CPOX: variants seen among roughly 807,000 people sequenced by gnomAD.
CPOX encodes the protein oxygen-dependent coproporphyrinogen-III oxidase, mitochondrial.
CPOX carries 24 observed loss-of-function variants against 48.9 expected under a neutral mutation model. That is an observed-to-expected ratio of 0.49 (90% CI 0.36 to 0.69). CPOX has a LOEUF of 0.69. CPOX is among the 30% of genes least tolerant of loss of function. CPOX has a pLI of 0.00. For missense variants in CPOX, 549 were observed against 597.3 expected (o/e 0.92, Z 0.84); for synonymous variants, 249 against 234.6 (o/e 1.06, Z -0.56).
At chr3:98,590,558 T>A (rs768382073) in intron 3 of CPOX, 74 bp downstream of exon 3, 5 of 1,034,654 alleles carry the variant, frequency 4.8e-6, no homozygotes, top group Non-Finnish European at 6.1e-6. Flanking sequence ...CGCTTTTAGA[T>A]GTTATGCCCT....
chr3:98,588,875 A>C, intron 3 of CPOX, 21 bp from the exon 4 acceptor site: 1 of 1,614,066 alleles, frequency 6.2e-7, no homozygotes, highest in Non-Finnish European at 8.5e-7. Context: ...AAGACATGGG[A>C]TTCTAATGTG....
chr3:98,578,132 G>A (rs540548249), downstream of CPOX: 3 of 408,286 alleles, frequency 7.3e-6, no homozygotes, highest in East Asian at 3.2e-4. Flanking sequence ...TGGTCTTCAG[G>A]TAGACTGAAT....
intron 5 of CPOX, among the ~76,000 whole-genome samples, chr3:98,582,208 G>A (rs1707271104): frequency 6.6e-6 from 1 of 151,894 alleles, no homozygotes; most frequent in Non-Finnish European, 1.5e-5. Context: ...GTCAGATCTG[G>A]ACTCCTTCCA....
chr3:98,580,022 C>T lies in CPOX; in HGVS notation c.*661G>A. ...GGTTCCACAAAAATCAAAATTACAA[C>T]TTAGACATCTCTAAAATAATAGTAA... On this transcript the variant is annotated 3_prime_UTR_variant, in exon 7 of 7. Transcript: ENST00000647941. 3 of 984,038 alleles carry T rather than the reference C, an allele frequency of 3.0e-6. No individual in the cohort carries two copies. Among genetic ancestry groups the T allele is most frequent in the Non-Finnish European group, 3.6e-6 (3 of 828,300 alleles). 61.0% of individuals were successfully genotyped at this position (984,038 alleles called of 1,614,324 possible). A position where few individuals can be genotyped will look rare whatever the true frequency, so the allele number is the denominator to read the frequency against.
At chr3:98,583,475 G>C (rs945226040) in intron 5 of CPOX, among the ~76,000 whole-genome samples, 3 of 152,118 alleles carry the variant, frequency 2.0e-5, no homozygotes, top group Non-Finnish European at 4.4e-5. Flanking sequence ...TCTCTGGGGT[G>C]CCTATAAGTT....
At chr3:98,592,288 T>C (rs764919594) in intron 1 of CPOX, among the ~76,000 whole-genome samples, 2 of 152,124 alleles carry the variant, frequency 1.3e-5, no homozygotes, top group Non-Finnish European at 2.9e-5. Context: ...ACTCAAGATG[T>C]GGGGTTTCAC....
intron 5 of CPOX, among the ~76,000 whole-genome samples, chr3:98,581,776 T>TA (rs1707264097): frequency 6.6e-6 from 1 of 152,170 alleles, no homozygotes. Context: ...TTCCCATAAG[T>TA]AAACAGAATT....
chr3:98,580,803 C>A, intron 6 of CPOX, 33 bp from the exon 7 acceptor site: 1 of 1,606,562 alleles, frequency 6.2e-7, no homozygotes, highest in South Asian at 1.1e-5. Context: ...CAAAAAACGT[C>A]ATAAAAAATG....
In CPOX at chr3:98,592,995, T is replaced by C. The variant is rs200869871; in HGVS notation, c.510A>G (p.Val170=). The part of the protein sequence containing the change: ...QAQVCQALAQ[V]DGGANFSVDR... ...CCACAGAAAAGTTGGCGCCCCCGTCTACCTGTGCCAGAGCCTGGCACACCT... is the reference window on the plus strand; with the variant it reads ...CCACAGAAAAGTTGGCGCCCCCGTCCACCTGTGCCAGAGCCTGGCACACCT... The change falls in exon 1 of 7, where the codon GTA becomes GTG. Residue 170 remains valine (V), a synonymous_variant. Transcript: ENST00000647941. 232 of 1,613,744 alleles carry C rather than the reference T, an allele frequency of 1.4e-4. No individual in the cohort carries two copies. Among genetic ancestry groups the C allele is most frequent in the Non-Finnish European group, 1.4e-4 (163 of 1,179,944 alleles).
chr3:98,587,875 G>C (rs1454099549), intron 4 of CPOX, among the ~76,000 whole-genome samples: 1 of 152,128 alleles, frequency 6.6e-6, no homozygotes, highest in Non-Finnish European at 1.5e-5. Flanking sequence ...TACTCTATTA[G>C]TCCTCCTGGA....
chr3:98,577,605 A>ACT (rs1707181736), downstream of CPOX, among the ~76,000 whole-genome samples: 1 of 152,128 alleles, frequency 6.6e-6, no homozygotes, highest in Non-Finnish European at 1.5e-5. Flanking sequence ...ATTCCCTACC[A>ACT]CTCGAATCTG....
downstream of CPOX, chr3:98,578,109 T>C: frequency 4.4e-6 from 1 of 226,336 alleles, no homozygotes; most frequent in Non-Finnish European, 7.4e-6. Flanking sequence ...TCAGGCCATC[T>C]GGAGGTGCAC....
chr3:98,576,936 T>A (rs1707171342), downstream of CPOX, among the ~76,000 whole-genome samples: 2 of 152,150 alleles, frequency 1.3e-5, no homozygotes, highest in Admixed American at 1.3e-4. Context: ...TTCAATATTT[T>A]GTAATAAGTG....
chr3:98,584,583 C>T (rs987418289), intron 5 of CPOX, among the ~76,000 whole-genome samples: 4 of 152,174 alleles, frequency 2.6e-5, no homozygotes, highest in African/African-American at 7.2e-5. Flanking sequence ...GTACCCAAAG[C>T]TTCTTTTGCC....
chr3:98,586,884 C>A (rs938674356), intron 4 of CPOX, among the ~76,000 whole-genome samples: 3 of 152,152 alleles, frequency 2.0e-5, no homozygotes, highest in Non-Finnish European at 2.9e-5. Flanking sequence ...GCAGAGCTTG[C>A]AGTGAGCCGA....
chr3:98,585,385 G>A, intron 5 of CPOX, 56 bp downstream of exon 5: 3 of 1,370,858 alleles, frequency 2.2e-6, no homozygotes, highest in South Asian at 1.2e-5. Context: ...CTATTATTAA[G>A]AGCTGCTCCA....
At position 98,579,951 on chromosome 3, in the gene CPOX, G is replaced by A; in HGVS notation, c.*732C>T. 1 of 985,770 alleles carries A rather than the reference G, an allele frequency of 1.0e-6. No individual in the cohort carries two copies. The highest frequency in any genetic ancestry group is 1.2e-6 in the Non-Finnish European group (1 of 829,856). The allele number at this position is 985,770 out of a possible 1,614,324, so 61.1% of individuals were successfully genotyped here. A position where few individuals can be genotyped will look rare whatever the true frequency, so the allele number is the denominator to read the frequency against. On this transcript the variant is annotated 3_prime_UTR_variant, in exon 7 of 7. Transcript: ENST00000647941. ...TAAGTATCAGAATTCAGGGATATAAGCTTTCACATTCAAAAGTGCAGAGAA... is the reference window on the plus strand; with the variant it reads ...TAAGTATCAGAATTCAGGGATATAAACTTTCACATTCAAAAGTGCAGAGAA...
chr3:98,590,884 T>A (rs930544256), intron 2 of CPOX, 128 bp downstream of exon 2: 1 of 1,263,336 alleles, frequency 7.9e-7, no homozygotes, highest in Non-Finnish European at 1.1e-6. Context: ...TAAAAAAGTA[T>A]TTGTCAACGT....
chr3:98,578,336 T>C (rs530219052), downstream of CPOX: 13 of 462,904 alleles, frequency 2.8e-5, no homozygotes, highest in South Asian at 8.4e-4. Context: ...CACAACTAAA[T>C]AGGCTAGCAT....
Sources: allele counts gnomAD v4.1 joint callset (sites outside exome capture counted in the v4.1 genomes callset), GRCh38; gene constraint gnomAD v4.1.1; transcripts MANE v1.5; gene names NCBI Gene and HGNC (gene_info 2026-07-23, HGNC 2026-07-21).